Variants in CA10 observed in about 807,000 individuals in gnomAD.
The protein encoded by CA10 is carbonic anhydrase 10 (inactive), also known as carbonic anhydrase-related protein 10.
In CA10, 14 loss-of-function variants were observed where a neutral mutation model predicts 44.2. The ratio of observed to expected loss-of-function variants is 0.32; its 90% confidence interval spans 0.21 to 0.50. CA10 has a LOEUF of 0.50. Among genes scored for constraint, CA10 ranks in the 20% least tolerant of loss-of-function variants. CA10 has a pLI of 0.99. For missense variants in CA10, 350 were observed against 409.7 expected (o/e 0.85, Z 1.26); for synonymous variants, 159 against 141.6 (o/e 1.12, Z -0.87).
At chr17:51,674,956 T>C (rs1301881295) in intron 4 of CA10, among the ~76,000 whole-genome samples, 1 of 152,214 alleles carries the variant, frequency 6.6e-6, no homozygotes, top group East Asian at 1.9e-4. Flanking sequence ...ACTAGTTATT[T>C]CCTGTAAGAA....
intron 3 of CA10, among the ~76,000 whole-genome samples, chr17:51,800,905 G>T (rs926307067): frequency 1.3e-5 from 2 of 152,024 alleles, no homozygotes; most frequent in East Asian, 1.9e-4. Context: ...CATCAAATTC[G>T]GCAGGTGGGC....
intron 1 of CA10, among the ~76,000 whole-genome samples, chr17:52,104,088 TTAAGA>T (rs372028976): frequency 1.6e-3 from 249 of 152,260 alleles, no homozygotes; most frequent in African/African-American, 5.1e-3. Context: ...TCTAATGGAC[TTAAGA>T]TAATATAAGG....
intron 1 of CA10, among the ~76,000 whole-genome samples, chr17:52,157,261 G>A (rs1240767768): frequency 6.6e-6 from 1 of 152,102 alleles, no homozygotes; most frequent in Admixed American, 6.6e-5. Context: ...ATCCCTGCTG[G>A]TACTCTCCAG....
At chr17:51,884,848 G>A (rs1598099504) in intron 3 of CA10, among the ~76,000 whole-genome samples, 1 of 152,180 alleles carries the variant, frequency 6.6e-6, no homozygotes, top group East Asian at 1.9e-4. Flanking sequence ...AATCCTAGGA[G>A]TTCCTTTGTT....
At chr17:51,647,039 G>C (rs1255339625) in intron 6 of CA10, among the ~76,000 whole-genome samples, 1 of 151,788 alleles carries the variant, frequency 6.6e-6, no homozygotes, top group Non-Finnish European at 1.5e-5. Flanking sequence ...GGCCCTGAGA[G>C]GTGTAGAGTA....
At chr17:51,983,446 TGTACCTAGA>T (rs140344629) in intron 2 of CA10, among the ~76,000 whole-genome samples, 1 of 152,004 alleles carries the variant, frequency 6.6e-6, no homozygotes, top group East Asian at 1.9e-4. Context: ...ATAAATTATC[TGTACCTAGA>T]GTACCTCTTC....
At chr17:51,735,108 G>T (rs1352245019) in intron 4 of CA10, among the ~76,000 whole-genome samples, 1 of 152,130 alleles carries the variant, frequency 6.6e-6, no homozygotes, top group Non-Finnish European at 1.5e-5. Context: ...TAATTTTTAA[G>T]AATTTCACCT....
At chr17:51,802,604 C>T (rs1906979280) in intron 3 of CA10, among the ~76,000 whole-genome samples, 1 of 150,148 alleles carries the variant, frequency 6.7e-6, no homozygotes, top group African/African-American at 2.4e-5. Flanking sequence ...AGAAGCACTC[C>T]CTACATTTGA....
chr17:51,839,051 C>A (rs1175494484), intron 3 of CA10, among the ~76,000 whole-genome samples: 1 of 152,194 alleles, frequency 6.6e-6, no homozygotes, highest in Non-Finnish European at 1.5e-5. Flanking sequence ...GCAGGCACTA[C>A]ACAAAATGTT....
rs137894967 is a variant in CA10, at chr17:51,730,993, G to A, written c.465+16640C>T. Among the ~76,000 whole-genome samples, 177 of 152,242 alleles carry A rather than the reference G, an allele frequency of 1.2e-3. 1 individual carries two copies. Among genetic ancestry groups the A allele is most frequent in the East Asian group, 9.5e-3 (49 of 5,182 alleles). ...TGTTATAGACCAATCTCCTTTGCCC[G>A]GATAAGACGGTCCCTGACTGGGTGT... On this transcript the variant is annotated intron_variant, in intron 4 of 8. Coordinates refer to ENST00000451037, the MANE Select transcript of CA10 (RefSeq NM_020178.5).
chr17:51,717,651 A>G (rs1241079629), intron 4 of CA10, among the ~76,000 whole-genome samples: 2 of 56,932 alleles, frequency 3.5e-5, no homozygotes, highest in African/African-American at 9.9e-5. Flanking sequence ...ATATATACAT[A>G]TATACGTATA....
intron 6 of CA10, among the ~76,000 whole-genome samples, chr17:51,637,374 G>A (rs1250626751): frequency 6.6e-6 from 1 of 152,114 alleles, no homozygotes; most frequent in African/African-American, 2.4e-5. Context: ...GCATCCCAGT[G>A]ATTCCAGATC....
At chr17:51,660,184 TGAG>T (rs1307131607) in intron 4 of CA10, among the ~76,000 whole-genome samples, 1 of 152,190 alleles carries the variant, frequency 6.6e-6, no homozygotes, top group East Asian at 1.9e-4. Flanking sequence ...GAGGGTGATA[TGAG>T]GAGAAATTGT....
At chr17:51,754,285 A>AGTGTGT (rs60269292) in intron 3 of CA10, among the ~76,000 whole-genome samples, 70 of 140,950 alleles carry the variant, frequency 5.0e-4, no homozygotes, top group South Asian at 1.4e-3. Context: ...GAAACAGAAT[A>AGTGTGT]GTGTGTGTGT....
intron 3 of CA10, among the ~76,000 whole-genome samples, chr17:51,806,102 T>TG (rs1449614009): frequency 3.9e-5 from 6 of 152,124 alleles, no homozygotes; most frequent in African/African-American, 1.4e-4. Flanking sequence ...CAGAGCTTTG[T>TG]GGTATGGTGA....
intron 2 of CA10, among the ~76,000 whole-genome samples, chr17:52,017,362 T>G (rs892885378): frequency 6.6e-6 from 1 of 152,118 alleles, no homozygotes; most frequent in African/African-American, 2.4e-5. Flanking sequence ...GATAGAAACA[T>G]TGGCAGTGAA....
At chr17:51,803,542 T>C (rs2143723361) in intron 3 of CA10, among the ~76,000 whole-genome samples, 1 of 152,346 alleles carries the variant, frequency 6.6e-6, no homozygotes, top group South Asian at 2.1e-4. Context: ...TTGGTTTATT[T>C]CTACCTTTTT....
Position 52,098,946 on chromosome 17 carries a change from C to T in CA10, c.62-26553G>A, listed in dbSNP as rs534937034. Among the ~76,000 whole-genome samples, 8 of 152,262 alleles carry T rather than the reference C, an allele frequency of 5.3e-5. No individual in the cohort carries two copies. In the East Asian group the frequency reaches 9.6e-4, roughly 18 times the overall value. ...TTTAGGTACTGAGACAAAGTGCTTCCTCTCATGGAATTTATATTCTGCTGG... is the reference window on the plus strand; with the variant it reads ...TTTAGGTACTGAGACAAAGTGCTTCTTCTCATGGAATTTATATTCTGCTGG... On this transcript the variant is annotated intron_variant, in intron 1 of 8. Transcript: ENST00000451037.
At chr17:51,733,885 G>T (rs1369567651) in intron 4 of CA10, among the ~76,000 whole-genome samples, 1 of 152,108 alleles carries the variant, frequency 6.6e-6, no homozygotes, top group Non-Finnish European at 1.5e-5. Flanking sequence ...ATTCTACAAA[G>T]CAAAATGGTT....
Sources: allele counts gnomAD v4.1 joint callset (sites outside exome capture counted in the v4.1 genomes callset), GRCh38; gene constraint gnomAD v4.1.1; transcripts MANE v1.5; gene names NCBI Gene and HGNC (gene_info 2026-07-23, HGNC 2026-07-21).